ZSWIM6: variants seen among roughly 807,000 people sequenced by gnomAD.
ZSWIM6 encodes zinc finger SWIM-type containing 6.
A neutral mutation model predicts 113.2 loss-of-function variants in ZSWIM6; 9 were observed. The ratio of observed to expected loss-of-function variants is 0.08; its 90% CI spans 0.05 to 0.14. ZSWIM6 has a LOEUF of 0.14. Among genes scored for constraint, ZSWIM6 ranks in the 10% least tolerant of loss-of-function variants. The pLI is 1.00. For synonymous variants in ZSWIM6, 611 were observed against 606.5 expected (o/e 1.01, Z -0.11); for missense variants, 1,162 against 1,552.2 (o/e 0.75, Z 4.22).
intron 1 of ZSWIM6, among the ~76,000 whole-genome samples, chr5:61,464,212 G>T (rs1222766568): frequency 1.7e-5 from 2 of 117,672 alleles, no homozygotes; most frequent in East Asian, 4.9e-4. Context: ...TAGAGATGAG[G>T]TATCTCCATG....
chr5:61,346,730 T>A (rs1395364313), intron 1 of ZSWIM6, among the ~76,000 whole-genome samples: 1 of 152,200 alleles, frequency 6.6e-6, no homozygotes, highest in Non-Finnish European at 1.5e-5. Context: ...GTCAGAGCAG[T>A]TTCTTTGCAG....
At chr5:61,343,779 G>C (rs1744596635) in intron 1 of ZSWIM6, among the ~76,000 whole-genome samples, 1 of 151,666 alleles carries the variant, frequency 6.6e-6, no homozygotes, top group African/African-American at 2.4e-5. Context: ...TTGTAATCTA[G>C]TTGTTTTATG....
At chr5:61,475,854 A>G (rs1211068454) in intron 2 of ZSWIM6, among the ~76,000 whole-genome samples, 1 of 152,212 alleles carries the variant, frequency 6.6e-6, no homozygotes, top group Non-Finnish European at 1.5e-5. Context: ...AAAGATCTGT[A>G]TGTAAGCCAC....
rs1436067597 is a variant in ZSWIM6, at chr5:61,525,828, G to A, written c.1542G>A (p.Val514=). 6 of 1,551,634 alleles carry A rather than the reference G, an allele frequency of 3.9e-6. No homozygotes were observed. In the East Asian group the frequency reaches 1.5e-4, roughly 38 times the overall value. Residue 514 remains valine, a synonymous_variant, in exon 6 of 14, where the codon GTG becomes GTA. Coordinates refer to ENST00000252744, the MANE Select transcript of ZSWIM6 (RefSeq NM_020928.2). The part of the protein sequence containing the change: ...QDSSNRPHRT[V]FTRAIEACDL... ...CATCGAACAGGCCACATCGGACAGT[G>A]TTCACCCGAGCCATCGAGGCATGCG...
rs547252268 is a variant in ZSWIM6 at position 61,425,865 on chromosome 5, C to T, written c.677-46816C>T. Among the ~76,000 whole-genome samples, 13 of 152,172 alleles carry T rather than the reference C, an allele frequency of 8.5e-5. No individual in the cohort carries two copies. The South Asian group carries it at 1.9e-3, about 22-fold the overall frequency. ...GATAAATCTGAAGTGGTAAGCTGCC[C>T]CTGATTGTGAAGGGTCTTATGTGCT... is the stretch of plus-strand genomic sequence containing the variant. On this transcript the variant is annotated intron_variant, in intron 1 of 13. Coordinates refer to ENST00000252744, the MANE Select transcript of ZSWIM6 (RefSeq NM_020928.2).
At chr5:61,454,184 G>C (rs1747148229) in intron 1 of ZSWIM6, among the ~76,000 whole-genome samples, 1 of 150,458 alleles carries the variant, frequency 6.6e-6, no homozygotes. Context: ...CTGTTTGTTG[G>C]CAGCTCTTTC....
intron 1 of ZSWIM6, among the ~76,000 whole-genome samples, chr5:61,340,144 A>T (rs1744511356): frequency 6.6e-6 from 1 of 151,870 alleles, no homozygotes; most frequent in Non-Finnish European, 1.5e-5. Flanking sequence ...ACATTTCCTT[A>T]TTTTTTTTCA....
At position 61,353,378 on chromosome 5, in the gene ZSWIM6, T is replaced by C. The variant is rs117561986; in HGVS notation, c.676+20430T>C. The stretch of plus-strand genomic sequence containing the variant: ...CATTCTAAGGCTGAGGAAACAGATA[T>C]GTTAAGTCACTTGTCAGGAGCATCT... On this transcript the variant is annotated intron_variant, in intron 1 of 13. Transcript: ENST00000252744. Among the ~76,000 whole-genome samples, 11 of 152,342 alleles carry C rather than the reference T, an allele frequency of 7.2e-5. No individual in the cohort carries two copies. The South Asian group carries it at 2.3e-3, about 32-fold the overall frequency.
rs540021743 is a variant in ZSWIM6 at position 61,531,382 on chromosome 5, C to T, written c.1985-83C>T. ...TTAATCCATAATTCATTTGCTTGTA[C>T]GGGGAAGTATAAATATTTGTACTTA... On this transcript the variant is annotated intron_variant, in intron 8 of 13. Coordinates refer to ENST00000252744, the MANE Select transcript of ZSWIM6 (RefSeq NM_020928.2). The T allele has an allele frequency of 3.3e-5, 47 of 1,419,952 alleles. No homozygotes were observed. In the African/African-American group the frequency reaches 5.5e-4, roughly 16 times the overall value. The allele number at this position is 1,419,952 out of a possible 1,614,324, so 88.0% of individuals were successfully genotyped here.
At chr5:61,513,158 A>T (rs528744071) in intron 4 of ZSWIM6, among the ~76,000 whole-genome samples, 20 of 151,950 alleles carry the variant, frequency 1.3e-4, no homozygotes, top group African/African-American at 4.8e-4. Flanking sequence ...CCTGGCTACC[A>T]CTGTTCTTTT....
chr5:61,409,622 ATTTG>A (rs927796136), intron 1 of ZSWIM6, among the ~76,000 whole-genome samples: 15 of 152,182 alleles, frequency 9.9e-5, no homozygotes. Context: ...TTTTAAAAAC[ATTTG>A]TATTTCTTGA....
chr5:61,474,182 A>G (rs1747649257), intron 2 of ZSWIM6, among the ~76,000 whole-genome samples: 2 of 152,160 alleles, frequency 1.3e-5, no homozygotes, highest in African/African-American at 4.8e-5. Context: ...GTTGTTTTTG[A>G]CATTATTAAA....
chr5:61,479,528 A>G (rs1332081431), intron 2 of ZSWIM6, among the ~76,000 whole-genome samples: 1 of 152,088 alleles, frequency 6.6e-6, no homozygotes. Flanking sequence ...TTCCTCGCCC[A>G]TCCCTCTCTC....
chr5:61,354,129 GC>G (rs1744848859), intron 1 of ZSWIM6, among the ~76,000 whole-genome samples: 1 of 152,172 alleles, frequency 6.6e-6, no homozygotes, highest in African/African-American at 2.4e-5. Context: ...ATGTCTTCAT[GC>G]CTTCTTGTGA....
At chr5:61,349,917 A>G (rs1044545034) in intron 1 of ZSWIM6, among the ~76,000 whole-genome samples, 3 of 152,230 alleles carry the variant, frequency 2.0e-5, no homozygotes, top group South Asian at 4.1e-4. Context: ...AAAAAAACAC[A>G]TAACTTCAGA....
chr5:61,522,046 A>T (rs538827617), intron 5 of ZSWIM6, among the ~76,000 whole-genome samples: 1 of 150,344 alleles, frequency 6.7e-6, no homozygotes, highest in South Asian at 2.1e-4. Context: ...GCTCCCAGAC[A>T]TTTCCAAAAG....
chr5:61,517,686 T>C (rs1748986331), intron 4 of ZSWIM6, among the ~76,000 whole-genome samples: 1 of 151,972 alleles, frequency 6.6e-6, no homozygotes, highest in Non-Finnish European at 1.5e-5. Flanking sequence ...TCACATAATT[T>C]TGAGTCCTGG....
chr5:61,470,913 C>T (rs183921310), intron 1 of ZSWIM6, among the ~76,000 whole-genome samples: 5 of 152,298 alleles, frequency 3.3e-5, no homozygotes, highest in Non-Finnish European at 7.3e-5. Flanking sequence ...TTTCTTTCAA[C>T]TGTCTGGCCT....
chr5:61,477,683 T>C (rs1447938703), intron 2 of ZSWIM6, among the ~76,000 whole-genome samples: 2 of 152,230 alleles, frequency 1.3e-5, no homozygotes, highest in African/African-American at 2.4e-5. Context: ...ATCTCAGATA[T>C]TAGCAAACAA....
Sources: gnomAD v4.1 joint callset for allele counts (sites outside exome capture counted in the v4.1 genomes callset) on GRCh38, gnomAD v4.1.1 for gene constraint, MANE v1.5 for transcripts, NCBI Gene and HGNC (gene_info 2026-07-23, HGNC 2026-07-21) for gene names.